Variants in LRRTM3 observed in about 807,000 individuals in gnomAD.
LRRTM3 encodes the protein leucine-rich repeat transmembrane neuronal protein 3.
In LRRTM3, 24 loss-of-function variants were observed where a neutral mutation model predicts 44.7. The observed-to-expected ratio is 0.54, with a 90% CI of 0.39 to 0.76. The LOEUF is 0.76. LRRTM3 is among the 30% of genes least tolerant of loss of function. The probability of loss-of-function intolerance (pLI) is 0.00; values close to 1 mark genes in which losing one functional copy is unlikely to be tolerated. For synonymous variants in LRRTM3, 277 were observed against 278.7 expected (o/e 0.99, Z 0.06); for missense variants, 587 against 702.2 (o/e 0.84, Z 1.85).
At chr10:66,971,502 C>T (rs1564803585) in intron 2 of LRRTM3, among the ~76,000 whole-genome samples, 1 of 152,118 alleles carries the variant, frequency 6.6e-6, no homozygotes, top group Non-Finnish European at 1.5e-5. Flanking sequence ...CCCAATTGTA[C>T]TCTTTATAAT....
At chr10:66,955,628 G>C (rs926377515) in intron 2 of LRRTM3, among the ~76,000 whole-genome samples, 1 of 152,120 alleles carries the variant, frequency 6.6e-6, no homozygotes, top group African/African-American at 2.4e-5. Flanking sequence ...TATATGGATA[G>C]ACACACGACT....
chr10:66,984,152 C>CA (rs5785810), intron 2 of LRRTM3, among the ~76,000 whole-genome samples: 1,571 of 151,850 alleles, frequency 0.01, 15 homozygotes, highest in Middle Eastern at 0.02. Context: ...CATCCGCTAC[C>CA]AAAAAAAACA....
At chr10:67,051,114 A>C (rs1445232491) in intron 2 of LRRTM3, among the ~76,000 whole-genome samples, 1 of 152,236 alleles carries the variant, frequency 6.6e-6, no homozygotes, top group Non-Finnish European at 1.5e-5. Context: ...ACAGAGATAC[A>C]AGCAATGCCA....
chr10:67,052,396 T>C (rs1228948556), intron 2 of LRRTM3, among the ~76,000 whole-genome samples: 1 of 151,396 alleles, frequency 6.6e-6, no homozygotes, highest in Non-Finnish European at 1.5e-5. Context: ...GTCTATTCCA[T>C]GGGCTTCACT....
intron 2 of LRRTM3, among the ~76,000 whole-genome samples, chr10:67,020,338 G>T (rs960775716): frequency 6.6e-6 from 1 of 151,922 alleles, no homozygotes; most frequent in Non-Finnish European, 1.5e-5. Context: ...AGAGCACAAG[G>T]GCTTCTTTAT....
rs554266359 is a variant in LRRTM3 at position 66,926,724 on chromosome 10, G to T, written c.4+137G>T. The T allele has an allele frequency of 1.3e-4, 141 of 1,109,996 alleles. No individual in the cohort carries two copies. In the South Asian group the frequency reaches 2.1e-3, roughly 17 times the overall value. 68.8% of individuals were successfully genotyped at this position (1,109,996 alleles called of 1,614,324 possible). On this transcript the variant is annotated intron_variant, in intron 1 of 2. Transcript: ENST00000361320. Reference sequence around the variant, plus strand: ...AGACTATGAATTTATTTGCTTAGTGGCATGTTTCCTTGTTTAACTATTTAA... The same window carrying T: ...AGACTATGAATTTATTTGCTTAGTGTCATGTTTCCTTGTTTAACTATTTAA...
chr10:67,074,168 G>A (rs1856613858), intron 2 of LRRTM3, among the ~76,000 whole-genome samples: 1 of 150,604 alleles, frequency 6.6e-6, no homozygotes, highest in Non-Finnish European at 1.5e-5. Context: ...AAGTAGCTGG[G>A]ACTATAGGCA....
chr10:67,002,954 G>A (rs533749688), intron 2 of LRRTM3, among the ~76,000 whole-genome samples: 35 of 152,142 alleles, frequency 2.3e-4, no homozygotes, highest in East Asian at 9.7e-4. Flanking sequence ...TATACTCTTC[G>A]TAAGACTTGT....
chr10:67,052,079 T>C (rs988334659), intron 2 of LRRTM3, among the ~76,000 whole-genome samples: 2 of 152,100 alleles, frequency 1.3e-5, no homozygotes, highest in African/African-American at 4.8e-5. Flanking sequence ...TTAAATGGGA[T>C]TTTGTTTGGA....
intron 2 of LRRTM3, among the ~76,000 whole-genome samples, chr10:67,045,946 T>G (rs1441561713): frequency 6.6e-6 from 1 of 152,184 alleles, no homozygotes; most frequent in East Asian, 1.9e-4. Context: ...TAGGTCAGAT[T>G]TCTTTTTTTC....
intron 2 of LRRTM3, among the ~76,000 whole-genome samples, chr10:66,980,676 A>G (rs372719712): frequency 1.3e-5 from 2 of 152,146 alleles, no homozygotes; most frequent in African/African-American, 4.8e-5. Context: ...TTGTCACTTC[A>G]GTTTTCAGTA....
At position 66,927,353 on chromosome 10, in the gene LRRTM3, A is replaced by C; in HGVS notation, c.437A>C (p.His146Pro). The change falls in exon 2 of 3, where the codon CAT becomes CCT. Residue 146 changes from histidine (H) to proline (P), a missense_variant. His to Pro is a moderately conservative substitution (Grantham distance 77). Transcript: ENST00000361320. This position sits in a 1 kb window ranked among gnomAD's most constrained non-coding sequence, Gnocchi z 4.7. ...TTGGATCTGTCCTATAATCAGCTGC[A>C]TTCTCTGGGATCTGAACAGTTTCGG... is the stretch of plus-strand genomic sequence containing the variant. Reference protein sequence around the residue: ...RNLDLSYNQLHSLGSEQFRGL... With the variant: ...RNLDLSYNQLPSLGSEQFRGL... 6.2e-7 allele frequency: 1 copy of C among 1,614,178 alleles called. No individual in the cohort carries two copies. The highest frequency in any genetic ancestry group is 8.5e-7 in the Non-Finnish European group (1 of 1,180,028).
chr10:67,046,844 G>C (rs995346428), intron 2 of LRRTM3, among the ~76,000 whole-genome samples: 1 of 152,092 alleles, frequency 6.6e-6, no homozygotes, highest in Non-Finnish European at 1.5e-5. Context: ...AGGACTTTTT[G>C]GGTGAGTAGA....
intron 2 of LRRTM3, among the ~76,000 whole-genome samples, chr10:66,960,846 T>C (rs555832574): frequency 1.1e-3 from 160 of 152,256 alleles, no homozygotes; most frequent in Non-Finnish European, 2.0e-3. Flanking sequence ...AGTGACAGTG[T>C]TGATAAAGCA....
intron 2 of LRRTM3, among the ~76,000 whole-genome samples, chr10:66,952,195 G>T (rs1249041137): frequency 1.3e-5 from 2 of 152,166 alleles, no homozygotes; most frequent in African/African-American, 4.8e-5. Context: ...CCACACAGTG[G>T]CAAAAGTCTT....
intron 2 of LRRTM3, among the ~76,000 whole-genome samples, chr10:67,060,475 C>A (rs1265786001): frequency 2.0e-5 from 3 of 152,112 alleles, no homozygotes; most frequent in African/African-American, 7.2e-5. Context: ...CCAATTGTGG[C>A]AGAAATAGCC....
At chr10:66,948,651 A>G (rs1461831915) in intron 2 of LRRTM3, among the ~76,000 whole-genome samples, 2 of 152,184 alleles carry the variant, frequency 1.3e-5, no homozygotes, top group African/African-American at 4.8e-5. Flanking sequence ...AGAATACCAC[A>G]AGGACATGGG....
intron 2 of LRRTM3, among the ~76,000 whole-genome samples, chr10:67,021,727 C>T (rs191114667): frequency 3.3e-5 from 5 of 152,090 alleles, no homozygotes; most frequent in African/African-American, 7.2e-5. Flanking sequence ...AAAATTTCCT[C>T]TTAAGATTTC....
intron 2 of LRRTM3, among the ~76,000 whole-genome samples, chr10:67,024,148 C>T (rs569193027): frequency 6.6e-6 from 1 of 152,302 alleles, no homozygotes; most frequent in African/African-American, 2.4e-5. Flanking sequence ...AATATGTTTC[C>T]TTGCCTCTCT....
Sources: gnomAD v4.1 joint callset for allele counts (sites outside exome capture counted in the v4.1 genomes callset) on GRCh38, gnomAD v4.1.1 for gene constraint, Gnocchi (gnomAD v3.1) non-coding constraint, MANE v1.5 for transcripts, NCBI Gene and HGNC (gene_info 2026-07-23, HGNC 2026-07-21) for gene names.